L3MBTL1: variants seen among roughly 807,000 people sequenced by gnomAD.
L3MBTL1 encodes the protein lethal(3)malignant brain tumor-like protein 1.
L3MBTL1 carries 75 observed loss-of-function variants against 105.3 expected under a neutral mutation model. The observed-to-expected ratio is 0.71, with a 90% CI of 0.59 to 0.86. L3MBTL1 has a LOEUF of 0.86. Ranked by LOEUF, L3MBTL1 falls within the 40% of genes least tolerant of loss-of-function variation. The pLI is 0.00. For missense variants in L3MBTL1, 1,069 were observed against 1,126.4 expected (o/e 0.95, Z 0.73); for synonymous variants, 452 against 436.2 (o/e 1.04, Z -0.45).
At chr20:43,534,768 CT>C (rs2019518568) in intron 15 of L3MBTL1, 59 bp from the exon 16 acceptor site, 7 of 1,286,374 alleles carry the variant, frequency 5.4e-6, no homozygotes, top group Non-Finnish European at 7.8e-6. Flanking sequence ...GGGAGAGGAC[CT>C]TCTGGCTGAG....
At position 43,541,776 on chromosome 20, in the gene L3MBTL1, G is replaced by A. The variant is rs41303927; in HGVS notation, c.*648G>A. 4.1e-3 allele frequency: 4,016 copies of A among 969,142 alleles called. 11 individuals carry two copies. The highest frequency in any genetic ancestry group is 9.6e-3 in the Middle Eastern group (18 of 1,866). The allele number at this position is 969,142 out of a possible 1,614,324, so 60.0% of individuals were successfully genotyped here. ...CAGAAATGTCTTTATGTAGCATATG[G>A]CTGTGTATCACTAGTATATAATAGA... On this transcript the variant is annotated 3_prime_UTR_variant, in exon 22 of 22. Transcript: ENST00000418998.
At chr20:43,536,495 CAG>C in intron 19 of L3MBTL1, 37 bp downstream of exon 19, 1 of 1,607,910 alleles carries the variant, frequency 6.2e-7, no homozygotes, top group Non-Finnish European at 8.5e-7. Context: ...TCCTCCACCA[CAG>C]AGTGTTCACA....
chr20:43,537,359 C>T (rs1425211554), intron 19 of L3MBTL1, among the ~76,000 whole-genome samples: 1 of 152,196 alleles, frequency 6.6e-6, no homozygotes, highest in Non-Finnish European at 1.5e-5. Flanking sequence ...CAGATGGCTG[C>T]CTTCTTGCTG....
At chr20:43,525,135 A>T (rs902461466) in intron 7 of L3MBTL1, among the ~76,000 whole-genome samples, 11 of 151,954 alleles carry the variant, frequency 7.2e-5, no homozygotes, top group African/African-American at 2.7e-4. Flanking sequence ...AAAAAGGCAT[A>T]AAGTATCACT....
chr20:43,544,591 G>A (rs900407452), downstream of L3MBTL1, among the ~76,000 whole-genome samples: 1 of 152,156 alleles, frequency 6.6e-6, no homozygotes, highest in East Asian at 1.9e-4. Flanking sequence ...CCTGGAACCT[G>A]GGCTTTGGCA....
At chr20:43,515,565 T>A (rs2018346621) in intron 6 of L3MBTL1, 150 bp downstream of exon 6, 1 of 936,222 alleles carries the variant, frequency 1.1e-6, no homozygotes, top group South Asian at 1.7e-5. Context: ...CATCCTGAGT[T>A]AGGTCCTATA....
At chr20:43,540,706 T>C (rs748028491) in intron 20 of L3MBTL1, 47 bp from the exon 21 acceptor site, 1 of 1,589,138 alleles carries the variant, frequency 6.3e-7, no homozygotes, top group East Asian at 2.2e-5. Context: ...TCTCCCTACA[T>C]GCCTAAGCTC....
Position 43,540,218 on chromosome 20 carries a change from A to G in L3MBTL1, c.2241A>G (p.Ser747=), listed in dbSNP as rs2019844823. ...MSALSAHPDR[S]LSVCWEQHCK... is the part of the protein sequence containing the mutation. ...CCCTGTCGGCCCACCCTGACCGCTC[A>G]CTCTCAGTGTGCTGGGAGCAGCACT... Residue 747 remains serine, a synonymous_variant, in exon 20 of 22, where the codon TCA becomes TCG. Coordinates refer to ENST00000418998, the MANE Select transcript of L3MBTL1 (RefSeq NM_001377303.1). 6.2e-7 allele frequency: 1 copy of G among 1,613,476 alleles called. No homozygotes were observed. Among genetic ancestry groups the G allele is most frequent in the African/African-American group, 1.3e-5 (1 of 74,924 alleles).
intron 7 of L3MBTL1, among the ~76,000 whole-genome samples, chr20:43,523,927 G>A (rs1191089721): frequency 2.0e-5 from 3 of 150,920 alleles, no homozygotes; most frequent in South Asian, 2.1e-4. Flanking sequence ...CCGGGGAGGC[G>A]GAGGTTGCAG....
chr20:43,510,386 T>TTTTCTTTCTTTC (rs1397282415), intron 1 of L3MBTL1, among the ~76,000 whole-genome samples: 2 of 143,174 alleles, frequency 1.4e-5, no homozygotes, highest in South Asian at 2.2e-4. Context: ...TGTTTTATAA[T>TTTTCTTTCTTTC]TTTCTTTCTT....
At chr20:43,535,766 C>A in intron 16 of L3MBTL1, 71 bp from the exon 17 acceptor site, 1 of 978,198 alleles carries the variant, frequency 1.0e-6, no homozygotes, top group Non-Finnish European at 1.5e-6. Flanking sequence ...CCAGTGGAAA[C>A]TGCTCCTTCC....
chr20:43,540,365 T>C, intron 20 of L3MBTL1, 57 bp downstream of exon 20: 1 of 1,581,968 alleles, frequency 6.3e-7, no homozygotes. Context: ...CCTCTCACCA[T>C]ACCCTGGTGG....
chr20:43,515,214 A>AT, intron 5 of L3MBTL1, 55 bp downstream of exon 5: 3 of 1,613,928 alleles, frequency 1.9e-6, no homozygotes, highest in African/African-American at 2.7e-5. Flanking sequence ...CCAAAGCCTC[A>AT]TTCCTGTTCA....
Position 43,540,482 on chromosome 20 carries a change from C to T in L3MBTL1, c.2331+174C>T, listed in dbSNP as rs530744243. On this transcript the variant is annotated intron_variant, in intron 20 of 21. Transcript: ENST00000418998. ...TGCCCAGTAGGGGCTGACTGAGACCCTTCCTGATAGGTCCATTATGGCAGA... is the reference window on the plus strand; with the variant it reads ...TGCCCAGTAGGGGCTGACTGAGACCTTTCCTGATAGGTCCATTATGGCAGA... 9.7e-4 allele frequency among the ~76,000 whole-genome samples: 148 copies of T among 152,274 alleles called. 2 individuals are homozygous for T. Among genetic ancestry groups the T allele is most frequent in the Non-Finnish European group, 3.2e-4 (22 of 68,008 alleles).
Position 43,515,156 on chromosome 20 carries a change from A to G in L3MBTL1, c.650A>G (p.Glu217Gly), listed in dbSNP as rs2018318822. 1 of 1,613,956 alleles carries G rather than the reference A, an allele frequency of 6.2e-7. No homozygotes were observed. The highest frequency in any genetic ancestry group is 1.1e-5 in the South Asian group (1 of 91,080). ...GATGGCTGCCCTCAGCTGTTCCAGG[A>G]GCGGTAAGGGGAGGAGGTCGCAGCC... Reference protein sequence around the residue: ...SNDGCPQLFQERSVIVENSSG... With the variant: ...SNDGCPQLFQGRSVIVENSSG... Residue 217 changes from glutamate to glycine, a missense_variant, in exon 5 of 22, where the codon GAG becomes GGG. Coordinates refer to ENST00000418998, the MANE Select transcript of L3MBTL1 (RefSeq NM_001377303.1).
chr20:43,518,551 C>T (rs765095629), intron 7 of L3MBTL1, among the ~76,000 whole-genome samples: 6 of 152,014 alleles, frequency 3.9e-5, no homozygotes, highest in Non-Finnish European at 8.8e-5. Flanking sequence ...CTTACTTAGT[C>T]GTTAATAGAT....
At chr20:43,524,908 G>A (rs2018943178) in intron 7 of L3MBTL1, among the ~76,000 whole-genome samples, 1 of 152,142 alleles carries the variant, frequency 6.6e-6, no homozygotes, top group Admixed American at 6.6e-5. Flanking sequence ...TTTTGGGTTG[G>A]AAATGAGAAG....
chr20:43,523,569 G>A (rs2018849731), intron 7 of L3MBTL1: 4 of 248,482 alleles, frequency 1.6e-5, no homozygotes, highest in Admixed American at 3.9e-5. Flanking sequence ...GTATCCTGCG[G>A]CATTGTTCTC....
At chr20:43,524,260 A>G (rs957912429) in intron 7 of L3MBTL1, among the ~76,000 whole-genome samples, 10 of 152,134 alleles carry the variant, frequency 6.6e-5, no homozygotes, top group African/African-American at 1.7e-4. Flanking sequence ...CTTTTCTAAT[A>G]TGTTTATTTA....
Sources: allele counts gnomAD v4.1 joint callset (sites outside exome capture counted in the v4.1 genomes callset), GRCh38; gene constraint gnomAD v4.1.1; transcripts MANE v1.5; gene names NCBI Gene and HGNC (gene_info 2026-07-23, HGNC 2026-07-21).